SEPTIN8: variants seen among roughly 807,000 people sequenced by gnomAD.
SEPTIN8 encodes septin-8.
Under a neutral mutation model 53.1 loss-of-function variants are expected in SEPTIN8, and 22 were observed. The observed-to-expected ratio is 0.41, with a 90% CI of 0.30 to 0.59. SEPTIN8 has a LOEUF of 0.59. SEPTIN8 is among the 20% of genes least tolerant of loss of function. The pLI, the probability that SEPTIN8 is intolerant of heterozygous loss-of-function variation, is 0.24. For missense variants in SEPTIN8, 536 were observed against 638.7 expected (o/e 0.84, Z 1.73); for synonymous variants, 228 against 248.4 (o/e 0.92, Z 0.77).
Position 132,761,776 on chromosome 5 carries a change from G to A in SEPTIN8, c.793+24C>T, listed in dbSNP as rs777405961. ...CCAGGGAACTCAGTTCTACCCCCAG[G>A]ATGCATTTCCTGTCCACACTCACCC... On this transcript the variant is annotated intron_variant, in intron 6 of 9. Transcript: ENST00000378719. The surrounding 1 kb of genome is among the most constrained non-coding windows in gnomAD (Gnocchi z 5.8). 11 of 1,597,850 alleles carry A rather than the reference G, an allele frequency of 6.9e-6. No homozygotes were observed. The highest frequency in any genetic ancestry group is 2.7e-5 in the African/African-American group (2 of 74,658).
Position 132,761,970 on chromosome 5 carries a change from G to A in SEPTIN8, c.697-74C>T. 1 of 1,346,996 alleles carries A rather than the reference G, an allele frequency of 7.4e-7. No individual in the cohort carries two copies. Among genetic ancestry groups the A allele is most frequent in the African/African-American group, 1.4e-5 (1 of 69,028 alleles). 83.4% of individuals were successfully genotyped at this position (1,346,996 alleles called of 1,614,324 possible). A position where few individuals can be genotyped will look rare whatever the true frequency, so the allele number is the denominator to read the frequency against. ...TGGCAGACTCTCCCTCCCTGCCCCT[G>A]GGTCCTAGGGAGGGGCAGCCAGACC... On this transcript the variant is annotated intron_variant, in intron 5 of 9. Coordinates refer to ENST00000378719, the MANE Select transcript of SEPTIN8 (RefSeq NM_001098811.2). This position sits in a 1 kb window ranked among gnomAD's most constrained non-coding sequence, Gnocchi z 5.8.
At position 132,777,132 on chromosome 5, in the gene SEPTIN8, C is replaced by G. The variant is rs1403039313; in HGVS notation, c.6G>C (p.Ala2=). The G allele has an allele frequency of 2.7e-5, 31 of 1,161,640 alleles. No homozygotes were observed. Among genetic ancestry groups the G allele is most frequent in the Admixed American group, 4.7e-5 (1 of 21,220 alleles). 72.0% of individuals were successfully genotyped at this position (1,161,640 alleles called of 1,614,324 possible). A position where few individuals can be genotyped will look rare whatever the true frequency, so the allele number is the denominator to read the frequency against. Residue 2 remains alanine, a synonymous_variant, in exon 1 of 10, where the codon GCG becomes GCC. Transcript: ENST00000378719. The surrounding 1 kb of genome is among the most constrained non-coding windows in gnomAD (Gnocchi z 4.1). The part of the protein sequence containing the change: M[A]ATDLERFSNA... ...CCGAGAAGCGCTCCAGGTCGGTGGCCGCCATGGCGAGCTCCGCACCGGGCG... is the reference window on the plus strand; with the variant it reads ...CCGAGAAGCGCTCCAGGTCGGTGGCGGCCATGGCGAGCTCCGCACCGGGCG...
At chr5:132,755,876 G>C (rs1055759264) in intron 9 of SEPTIN8, 1 of 742,692 alleles carries the variant, frequency 1.3e-6, no homozygotes, top group African/African-American at 2.0e-5. Context: ...AATTCCTACA[G>C]AAGTAGATCA....
In SEPTIN8 at chr5:132,763,770, A is replaced by C; in HGVS notation, c.470T>G (p.Ile157Ser). 1.2e-6 allele frequency: 2 copies of C among 1,614,154 alleles called. No homozygotes were observed. Among genetic ancestry groups the C allele is most frequent in the Non-Finnish European group, 1.7e-6 (2 of 1,179,996 alleles). Residue 157 changes from isoleucine to serine, a missense_variant, in exon 4 of 10, where the codon ATC (isoleucine) becomes AGC (serine). Around this residue, in one of 3 missense-constraint regions of SEPTIN8, gnomAD observed 395 missense variants for 451.8 expected, o/e 0.87. Coordinates refer to ENST00000378719, the MANE Select transcript of SEPTIN8 (RefSeq NM_001098811.2). ...DTRIHVCLYFITPTGHSLKSL... is the reference protein window; with the variant it reads ...DTRIHVCLYFSTPTGHSLKSL... The stretch of plus-strand genomic sequence containing the variant: ...CTTCAGGGAGTGCCCTGTGGGCGTG[A>C]TGAAGTAGAGGCAAACGTGGATCCT...
At position 132,776,940 on chromosome 5, in the gene SEPTIN8, C is replaced by T. The variant is rs866893746; in HGVS notation, c.30+168G>A. 1.4e-4 allele frequency among the ~76,000 whole-genome samples: 22 copies of T among 152,190 alleles called. No individual in the cohort carries two copies. The highest frequency in any genetic ancestry group is 5.1e-4 in the African/African-American group (21 of 41,562). ...GGCAGGCCGCCCGACGCTCCGGGACCCCCCGATAGCGCGGCCGAGAGCCCG... is the reference window on the plus strand; with the variant it reads ...GGCAGGCCGCCCGACGCTCCGGGACTCCCCGATAGCGCGGCCGAGAGCCCG... On this transcript the variant is annotated intron_variant, in intron 1 of 9. Transcript: ENST00000378719. This position sits in a 1 kb window ranked among gnomAD's most constrained non-coding sequence, Gnocchi z 4.4.
At chr5:132,777,479 G>A (rs1197250415), upstream of SEPTIN8, 3 of 976,528 alleles carry the variant, frequency 3.1e-6, no homozygotes, top group Non-Finnish European at 3.7e-6. This position sits in a 1 kb window ranked among gnomAD's most constrained non-coding sequence, Gnocchi z 4.1. Context: ...AGTGTCGGGG[G>A]GCTCGGGGCT....
chr5:132,759,843 GA>G (rs1236796517), intron 9 of SEPTIN8, among the ~76,000 whole-genome samples: 15 of 152,174 alleles, frequency 9.9e-5, no homozygotes, highest in Non-Finnish European at 1.6e-4. Context: ...GGGCGAGGGT[GA>G]GCCCCAGAAG....
At chr5:132,757,830 T>A in intron 9 of SEPTIN8, 1 of 985,468 alleles carries the variant, frequency 1.0e-6, no homozygotes, top group Non-Finnish European at 1.2e-6. Context: ...CATTTTTCCC[T>A]AATTGTCTAT....
At chr5:132,752,315 C>G (rs1754916958) in intron 9 of SEPTIN8, 134 bp from the exon 10 acceptor site, 2 of 1,212,076 alleles carry the variant, frequency 1.7e-6, no homozygotes, top group Admixed American at 5.6e-5. Flanking sequence ...TGGCCATAAC[C>G]CTGGAAAGAG....
intron 1 of SEPTIN8, among the ~76,000 whole-genome samples, chr5:132,772,954 C>T (rs1169524983): frequency 6.6e-6 from 1 of 152,208 alleles, no homozygotes; most frequent in Non-Finnish European, 1.5e-5. Flanking sequence ...TTCTGTCCCT[C>T]TAATCTGACC....
chr5:132,777,077 C>A lies in SEPTIN8; in HGVS notation c.30+31G>T, dbSNP rs1297395487. 1 of 1,150,392 alleles carries A rather than the reference C, an allele frequency of 8.7e-7. No homozygotes were observed. The highest frequency in any genetic ancestry group is 1.1e-6 in the Non-Finnish European group (1 of 934,284). 71.3% of individuals were successfully genotyped at this position (1,150,392 alleles called of 1,614,324 possible). A position where few individuals can be genotyped will look rare whatever the true frequency, so the allele number is the denominator to read the frequency against. On this transcript the variant is annotated intron_variant, in intron 1 of 9. Transcript: ENST00000378719. The surrounding 1 kb of genome is among the most constrained non-coding windows in gnomAD (Gnocchi z 4.1). ...GGCCCCTCCTGCGCCCCGCGCCTCC[C>A]GCGCGCGCCGTGGCCCAGCGGGGCC... is the stretch of plus-strand genomic sequence containing the variant.
chr5:132,770,869 A>T (rs392916), intron 1 of SEPTIN8, among the ~76,000 whole-genome samples: 20,323 of 152,246 alleles, frequency 0.13, 2,375 homozygotes, highest in East Asian at 0.65. Context: ...TGAGCTCTAC[A>T]TATGCAATGA....
At chr5:132,754,324 T>C (rs1755139119) in intron 9 of SEPTIN8, 1 of 699,328 alleles carries the variant, frequency 1.4e-6, no homozygotes, top group Non-Finnish European at 2.7e-6. Flanking sequence ...CAGCTTCCAG[T>C]GGTGGCCGTT....
In SEPTIN8 at chr5:132,760,330, C is replaced by T. The variant is rs1327394312; in HGVS notation, c.1286+472G>A. Among the ~76,000 whole-genome samples, 9 of 152,112 alleles carry T rather than the reference C, an allele frequency of 5.9e-5. No homozygotes were observed. Among genetic ancestry groups the T allele is most frequent in the African/African-American group, 2.2e-4 (9 of 41,432 alleles). ...GCTGACATTCCCAGGTCCTGTCCCG[C>T]CCCTGGCCTGAAAGACCATTCCCAG... On this transcript the variant is annotated intron_variant, in intron 9 of 9. Transcript: ENST00000378719. This position sits in a 1 kb window ranked among gnomAD's most constrained non-coding sequence, Gnocchi z 5.2.
chr5:132,761,557 AG>A lies in SEPTIN8; in HGVS notation c.862del (p.Leu288SerfsTer47). ...GTGCCGGCTGTGGGTCTGCTCGCGG[AG>A]GTCTTCCATGTTCACCCGGATCAAC... ...EMLIRVNMED[L>X]REQTHSRHYE... is the part of the protein sequence containing the mutation. On this transcript the variant is annotated frameshift_variant, in exon 7 of 10. Coordinates refer to ENST00000378719, the MANE Select transcript of SEPTIN8 (RefSeq NM_001098811.2). LOFTEE classifies it high-confidence loss of function. This position sits in a 1 kb window ranked among gnomAD's most constrained non-coding sequence, Gnocchi z 5.8. The A allele has an allele frequency of 6.2e-7, 1 of 1,613,916 alleles. No individual in the cohort carries two copies. Among genetic ancestry groups the A allele is most frequent in the Non-Finnish European group, 8.5e-7 (1 of 1,179,986 alleles).
Position 132,760,993 on chromosome 5 carries a change from C to G in SEPTIN8, c.1096-1G>C, listed in dbSNP as rs1561747529. 2 of 1,580,542 alleles carry G rather than the reference C, an allele frequency of 1.3e-6. No homozygotes were observed. ...TCAGGTGCTCAAACTTCTCATGGAG[C>G]TGGCATCAGAAAGGGGGCAGAAGAT... On this transcript the variant is annotated splice_acceptor_variant, in intron 8 of 9. Coordinates refer to ENST00000378719, the MANE Select transcript of SEPTIN8 (RefSeq NM_001098811.2). LOFTEE classifies it high-confidence loss of function. This position sits in a 1 kb window ranked among gnomAD's most constrained non-coding sequence, Gnocchi z 5.2.
chr5:132,777,733 A>AG (rs1757931601), upstream of SEPTIN8: 1 of 985,280 alleles, frequency 1.0e-6, no homozygotes. The surrounding 1 kb of genome is among the most constrained non-coding windows in gnomAD (Gnocchi z 4.1). Flanking sequence ...GCGGCAGCCT[A>AG]GTCTGCGGGT....
chr5:132,762,753 AG>A, intron 4 of SEPTIN8, 108 bp from the exon 5 acceptor site: 1 of 1,234,406 alleles, frequency 8.1e-7, no homozygotes, highest in Non-Finnish European at 1.2e-6. Flanking sequence ...ATCCCTGGGC[AG>A]GGGGAAGGAG....
chr5:132,770,448 G>A (rs892223547), intron 1 of SEPTIN8, among the ~76,000 whole-genome samples: 2 of 152,002 alleles, frequency 1.3e-5, no homozygotes, highest in Non-Finnish European at 2.9e-5. Context: ...CCAAAGTGCT[G>A]GGATTACAGG....
Sources: allele counts gnomAD v4.1 joint callset (sites outside exome capture counted in the v4.1 genomes callset), GRCh38; gene constraint gnomAD v4.1.1; regional missense constraint gnomAD v4.1.1; non-coding constraint Gnocchi (gnomAD v3.1); transcripts MANE v1.5; gene names NCBI Gene and HGNC (gene_info 2026-07-23, HGNC 2026-07-21).